Variants in MED13L observed in about 807,000 individuals in gnomAD.
The protein encoded by MED13L is mediator of RNA polymerase II transcription subunit 13-like.
Under a neutral mutation model 220.9 loss-of-function variants are expected in MED13L, and 7 were observed. The ratio of observed to expected loss-of-function variants is 0.03; its 90% confidence interval spans 0.02 to 0.06. MED13L has a LOEUF of 0.06. MED13L is among the 10% of genes least tolerant of loss of function. The pLI, the probability that MED13L is intolerant of heterozygous loss-of-function variation, is 1.00. For synonymous variants in MED13L, 1,011 were observed against 1,015.2 expected, an observed-to-expected ratio of 1.00 and a Z score of 0.08; for missense variants, 1,965 against 2,760.5, an observed-to-expected ratio of 0.71 and a Z score of 6.46.
chr12:116,133,535 C>T (rs1231343673), intron 2 of MED13L, among the ~76,000 whole-genome samples: 1 of 152,138 alleles, frequency 6.6e-6, no homozygotes, highest in Non-Finnish European at 1.5e-5. Context: ...TAGATATAGG[C>T]AGGCAGGCCC....
intron 4 of MED13L, among the ~76,000 whole-genome samples, chr12:116,059,005 T>C (rs990435790): frequency 1.3e-4 from 20 of 152,226 alleles, no homozygotes; most frequent in African/African-American, 3.1e-4. Context: ...CATTTATACA[T>C]TGATATGTAA....
chr12:116,221,029 T>C (rs1208484495), intron 2 of MED13L, among the ~76,000 whole-genome samples: 1 of 152,160 alleles, frequency 6.6e-6, no homozygotes, highest in Non-Finnish European at 1.5e-5. Context: ...CTACTAACTC[T>C]ATCCTACATA....
chr12:116,065,631 A>G lies in MED13L; in HGVS notation c.479+31038T>C, dbSNP rs151297735. On this transcript the variant is annotated intron_variant, in intron 4 of 30. Transcript: ENST00000281928. ...GAAAATATGATTGCAATACAGTAAG[A>G]TCTCTAACTGCATTCTGGCAGCACA... Among the ~76,000 whole-genome samples the G allele has an allele frequency of 1.1e-3, 171 of 152,338 alleles. 2 individuals are homozygous for G. Among genetic ancestry groups the G allele is most frequent in the African/African-American group, 3.8e-3 (160 of 41,576 alleles).
chr12:116,233,090 G>GAAAA (rs530903194), intron 2 of MED13L, among the ~76,000 whole-genome samples: 17 of 82,940 alleles, frequency 2.0e-4, no homozygotes, highest in East Asian at 7.9e-4. Context: ...CTGTCTAAAG[G>GAAAA]AAAAAAAAAA....
intron 4 of MED13L, among the ~76,000 whole-genome samples, chr12:116,027,865 G>A (rs1308763238): frequency 6.6e-6 from 1 of 152,162 alleles, no homozygotes. Context: ...ACAATGAGTT[G>A]TCACTCACTC....
At chr12:116,054,741 T>C (rs1246796534) in intron 4 of MED13L, among the ~76,000 whole-genome samples, 2 of 152,204 alleles carry the variant, frequency 1.3e-5, no homozygotes, top group African/African-American at 2.4e-5. Flanking sequence ...ACAACTTTCA[T>C]ATACAGCTGG....
chr12:116,109,533 AAC>A (rs1373067239), intron 3 of MED13L, among the ~76,000 whole-genome samples: 3 of 152,194 alleles, frequency 2.0e-5, no homozygotes, highest in African/African-American at 4.8e-5. Context: ...ATTAAAAAAA[AAC>A]ACAGTGAGCT....
chr12:116,213,969 T>C (rs943287424), intron 2 of MED13L, among the ~76,000 whole-genome samples: 1 of 152,214 alleles, frequency 6.6e-6, no homozygotes, highest in Non-Finnish European at 1.5e-5. Context: ...TGTATAGATT[T>C]CCCTTAAAAC....
chr12:116,236,960 C>T (rs1870136982), intron 2 of MED13L: 2 of 628,486 alleles, frequency 3.2e-6, no homozygotes, highest in Non-Finnish European at 4.0e-6. Flanking sequence ...CAATTCAGAC[C>T]AGATCCCATA....
rs1566021046 is a variant in MED13L at position 116,031,803 on chromosome 12, A to AAGGAAGGAAGGAAGGAAG, written c.480-9203_480-9202insCTTCCTTCCTTCCTTCCT. On this transcript the variant is annotated intron_variant, in intron 4 of 30. Transcript: ENST00000281928. ...AGGAAGGAAGGAAGGAAGGAAGGAA[A>AAGGAAGGAAGGAAGGAAG]GAAAGAGAGAAAGAAAAAAAGAAAG... is the stretch of plus-strand genomic sequence containing the variant. 5.4e-4 allele frequency among the ~76,000 whole-genome samples: 48 copies of AAGGAAGGAAGGAAGGAAG among 89,620 alleles called. 2 individuals are homozygous for AAGGAAGGAAGGAAGGAAG. Among genetic ancestry groups the AAGGAAGGAAGGAAGGAAG allele is most frequent in the African/African-American group, 1.4e-3 (37 of 26,192 alleles). The allele number at this position is 89,620 out of a possible 152,430, so 58.8% of individuals were successfully genotyped here.
intron 14 of MED13L, among the ~76,000 whole-genome samples, chr12:116,002,550 G>A (rs897714329): frequency 6.6e-6 from 1 of 151,994 alleles, no homozygotes; most frequent in African/African-American, 2.4e-5. Context: ...ATCTCAAAAG[G>A]AAACACAAAA....
At chr12:116,060,515 T>C (rs1377199267) in intron 4 of MED13L, among the ~76,000 whole-genome samples, 1 of 148,068 alleles carries the variant, frequency 6.8e-6, no homozygotes, top group Non-Finnish European at 1.5e-5. Flanking sequence ...GAGGTGGAGG[T>C]TGTAGTGAGC....
chr12:115,983,018 G>A (rs188910564), intron 21 of MED13L, 99 bp downstream of exon 21: 408 of 1,318,158 alleles, frequency 3.1e-4, no homozygotes, highest in Non-Finnish European at 4.1e-4. Context: ...CACTTCATAG[G>A]ATTCACAGAA....
intron 4 of MED13L, among the ~76,000 whole-genome samples, chr12:116,058,787 T>G (rs1230397940): frequency 6.6e-6 from 1 of 152,204 alleles, no homozygotes; most frequent in Non-Finnish European, 1.5e-5. Context: ...CTTCTATATT[T>G]AGCATTACAT....
At chr12:115,986,166 G>A (rs1877675877) in intron 19 of MED13L, 100 bp downstream of exon 19, 1 of 1,291,424 alleles carries the variant, frequency 7.7e-7, no homozygotes, top group Non-Finnish European at 1.1e-6. Context: ...AATTTTCTCT[G>A]AGATTTACTT....
At chr12:116,255,824 C>T (rs1451476228) in intron 1 of MED13L, among the ~76,000 whole-genome samples, 2 of 152,206 alleles carry the variant, frequency 1.3e-5, no homozygotes, top group African/African-American at 2.4e-5. Context: ...TACTGCACAT[C>T]CCTAATTCAA....
chr12:116,124,142 G>GAGAGAGAGAGACAGAGAC (rs1593071461), intron 2 of MED13L, among the ~76,000 whole-genome samples: 1 of 115,652 alleles, frequency 8.6e-6, no homozygotes, highest in Non-Finnish European at 2.0e-5. Flanking sequence ...GAGAGAGAGA[G>GAGAGAGAGAGACAGAGAC]AGAGAGAGAC....
chr12:116,087,509 C>T (rs1397270248), intron 4 of MED13L, among the ~76,000 whole-genome samples: 2 of 152,178 alleles, frequency 1.3e-5, no homozygotes, highest in Non-Finnish European at 2.9e-5. Flanking sequence ...CCCCTGCTGC[C>T]AAGTTGCTAC....
chr12:116,038,383 T>G (rs772867103), intron 4 of MED13L, among the ~76,000 whole-genome samples: 2 of 152,134 alleles, frequency 1.3e-5, no homozygotes, highest in Non-Finnish European at 2.9e-5. Flanking sequence ...CATATTCTAT[T>G]GACTCCCTGC....
Sources: gnomAD v4.1 joint callset for allele counts (sites outside exome capture counted in the v4.1 genomes callset) on GRCh38, gnomAD v4.1.1 for gene constraint, MANE v1.5 for transcripts, NCBI Gene and HGNC (gene_info 2026-07-23, HGNC 2026-07-21) for gene names.